Variants in CSMD1 observed in about 807,000 individuals in gnomAD.
The protein encoded by CSMD1 is CUB and sushi domain-containing protein 1.
CSMD1 carries 213 observed loss-of-function variants against 417.5 expected under a neutral mutation model. The observed-to-expected ratio is 0.51, with a 90% CI of 0.46 to 0.57. CSMD1 has a LOEUF of 0.57. Among genes scored for constraint, CSMD1 ranks in the 20% least tolerant of loss-of-function variants. CSMD1 has a pLI of 0.00. For missense variants in CSMD1, 6,923 were observed against 4,529.7 expected, an observed-to-expected ratio of 1.53 and a Z score of -15.17; for synonymous variants, 2,862 against 1,736.8, an observed-to-expected ratio of 1.65 and a Z score of -16.11.
chr8:3,603,225 T>G (rs182774551), intron 8 of CSMD1, among the ~76,000 whole-genome samples: 81 of 152,320 alleles, frequency 5.3e-4, no homozygotes, highest in African/African-American at 1.9e-3. Flanking sequence ...GGCAAATATT[T>G]TTCCTACTCT....
chr8:3,074,278 C>T (rs559996744), intron 49 of CSMD1, among the ~76,000 whole-genome samples: 11 of 152,328 alleles, frequency 7.2e-5, no homozygotes, highest in Middle Eastern at 3.4e-3. Flanking sequence ...AGTAAGAACT[C>T]TGCCCCTAGA....
chr8:3,843,413 C>T (rs1803260979), intron 5 of CSMD1, among the ~76,000 whole-genome samples: 1 of 151,868 alleles, frequency 6.6e-6, no homozygotes, highest in African/African-American at 2.4e-5. Flanking sequence ...TATTTAAAGT[C>T]AAAGTTGGTT....
At chr8:4,939,432 G>C (rs185226656) in intron 1 of CSMD1, among the ~76,000 whole-genome samples, 1 of 152,262 alleles carries the variant, frequency 6.6e-6, no homozygotes, top group Non-Finnish European at 1.5e-5. Context: ...ATAAAGAAAC[G>C]TAATCTATAT....
chr8:3,887,829 T>C (rs962266415), intron 5 of CSMD1, among the ~76,000 whole-genome samples: 4 of 152,230 alleles, frequency 2.6e-5, no homozygotes, highest in Admixed American at 2.0e-4. Context: ...TTTGTTCATC[T>C]GTGCAAGGAA....
intron 5 of CSMD1, among the ~76,000 whole-genome samples, chr8:3,855,234 A>G (rs181609305): frequency 4.7e-4 from 72 of 152,312 alleles, no homozygotes; most frequent in Admixed American, 3.4e-3. Context: ...TATTTTGTAA[A>G]AGAAGAAATA....
chr8:3,906,179 G>C (rs961285482), intron 5 of CSMD1, among the ~76,000 whole-genome samples: 1 of 152,034 alleles, frequency 6.6e-6, no homozygotes, highest in Non-Finnish European at 1.5e-5. Flanking sequence ...TTGTGATATG[G>C]GTTAATGTAA....
chr8:3,498,780 G>C (rs1402539151), intron 10 of CSMD1, among the ~76,000 whole-genome samples: 1 of 151,860 alleles, frequency 6.6e-6, no homozygotes, highest in African/African-American at 2.4e-5. Context: ...GTCTGTTGTT[G>C]AAGCTCTTGA....
chr8:3,428,132 A>C (rs530029866), intron 12 of CSMD1, among the ~76,000 whole-genome samples: 1 of 152,340 alleles, frequency 6.6e-6, no homozygotes, highest in South Asian at 2.1e-4. Flanking sequence ...ATAGATGTTA[A>C]ATTATTATAT....
At chr8:3,632,738 G>T (rs371050023) in intron 7 of CSMD1, among the ~76,000 whole-genome samples, 1 of 152,168 alleles carries the variant, frequency 6.6e-6, no homozygotes, top group African/African-American at 2.4e-5. Context: ...CCACACCAAT[G>T]TCCTTGCCAA....
At position 4,592,415 on chromosome 8, in the gene CSMD1, C is replaced by G. The variant is rs184493377; in HGVS notation, c.302+44927G>C. Among the ~76,000 whole-genome samples, 655 of 152,050 alleles carry G rather than the reference C, an allele frequency of 4.3e-3. 6 individuals are homozygous for G. The highest frequency in any genetic ancestry group is 0.015 in the African/African-American group (632 of 41,468). On this transcript the variant is annotated intron_variant, in intron 2 of 69. Coordinates refer to ENST00000635120, the MANE Select transcript of CSMD1 (RefSeq NM_033225.6). The stretch of plus-strand genomic sequence containing the variant: ...CGCTTTGTTGTTTTTGAGGTGGAGT[C>G]TTACTCCATCTCCCAGGCTGGAGTG...
intron 2 of CSMD1, among the ~76,000 whole-genome samples, chr8:4,477,632 A>G (rs752426240): frequency 2.0e-5 from 3 of 152,150 alleles, no homozygotes; most frequent in Non-Finnish European, 4.4e-5. Flanking sequence ...AGGCACTGTG[A>G]GATATCTAAG....
At chr8:4,912,261 C>T (rs1009140502) in intron 1 of CSMD1, among the ~76,000 whole-genome samples, 13 of 151,866 alleles carry the variant, frequency 8.6e-5, no homozygotes, top group South Asian at 8.3e-4. Context: ...TTGGCAAGAA[C>T]ATGCGAAGGC....
At chr8:3,144,390 A>T (rs1337341905) in intron 40 of CSMD1, among the ~76,000 whole-genome samples, 2 of 151,984 alleles carry the variant, frequency 1.3e-5, no homozygotes, top group Non-Finnish European at 2.9e-5. Context: ...AGGATGAATT[A>T]AAAAAAATAG....
At chr8:3,882,339 C>A (rs1563173957) in intron 5 of CSMD1, among the ~76,000 whole-genome samples, 2 of 152,150 alleles carry the variant, frequency 1.3e-5, no homozygotes, top group African/African-American at 2.4e-5. Flanking sequence ...CAAATAAAAT[C>A]TCGACGATGA....
intron 6 of CSMD1, among the ~76,000 whole-genome samples, chr8:3,749,875 C>T (rs1320451027): frequency 6.6e-6 from 1 of 152,006 alleles, no homozygotes; most frequent in East Asian, 1.9e-4. Context: ...ATGGTGCTCG[C>T]ATCTCCTGGG....
At chr8:3,909,711 T>C (rs987453669) in intron 5 of CSMD1, among the ~76,000 whole-genome samples, 7 of 152,134 alleles carry the variant, frequency 4.6e-5, no homozygotes, top group Admixed American at 6.5e-5. Context: ...TTCTTGCGGC[T>C]TGTGTAGCAA....
chr8:3,880,301 C>T (rs1393002540), intron 5 of CSMD1, among the ~76,000 whole-genome samples: 1 of 152,136 alleles, frequency 6.6e-6, no homozygotes, highest in Non-Finnish European at 1.5e-5. Context: ...TATTAGATTA[C>T]ATTTTTCAAA....
chr8:4,644,734 C>G (rs1803413182), intron 1 of CSMD1, among the ~76,000 whole-genome samples: 1 of 152,204 alleles, frequency 6.6e-6, no homozygotes, highest in Admixed American at 6.5e-5. Context: ...TCCCTTATAG[C>G]ATTTATAACT....
At chr8:4,796,398 G>A (rs796710608) in intron 1 of CSMD1, among the ~76,000 whole-genome samples, 5 of 152,058 alleles carry the variant, frequency 3.3e-5, no homozygotes, top group African/African-American at 1.2e-4. Context: ...CTGTCTAAGG[G>A]CATTTACTTT....
Sources: gnomAD v4.1 joint callset for allele counts (sites outside exome capture counted in the v4.1 genomes callset) on GRCh38, gnomAD v4.1.1 for gene constraint, MANE v1.5 for transcripts, NCBI Gene and HGNC (gene_info 2026-07-23, HGNC 2026-07-21) for gene names.